The following GPC3 variants were observed in gnomAD, a reference collection of about 807,000 sequenced individuals.
GPC3 encodes glypican 3.
A neutral mutation model predicts 34.4 loss-of-function variants in GPC3; 3 were observed. The observed-to-expected ratio is 0.09, with a 90% CI of 0.04 to 0.23. The LOEUF is 0.23. Among genes scored for constraint, GPC3 ranks in the 10% least tolerant of loss-of-function variants. GPC3 has a pLI of 1.00. For missense variants in GPC3, 351 were observed against 445.6 expected, an observed-to-expected ratio of 0.79 and a Z score of 1.91; for synonymous variants, 177 against 174.0, an observed-to-expected ratio of 1.02 and a Z score of -0.13.
chrX:133,732,934 G>A lies in GPC3; in HGVS notation c.1032+20548C>T, dbSNP rs775574399. Among the ~76,000 whole-genome samples, 8 of 110,479 alleles carry A rather than the reference G, an allele frequency of 7.2e-5. No individual in the cohort carries two copies. The Middle Eastern group carries it at 0.014, about 190-fold the overall frequency. On this transcript the variant is annotated intron_variant, in intron 3 of 7. Coordinates refer to ENST00000370818, the MANE Select transcript of GPC3 (RefSeq NM_004484.4). ...CAGGCTGCAGTGCAGTGGCACAATC[G>A]GCTCACTGCAGCCTCGACCCCCCAG... is the stretch of plus-strand genomic sequence containing the variant.
At chrX:133,901,439 TTTTTA>T (rs993317055) in intron 2 of GPC3, among the ~76,000 whole-genome samples, 1 of 111,208 alleles carries the variant, frequency 9.0e-6, no homozygotes, top group African/African-American at 3.3e-5. Flanking sequence ...ATTATTTCAT[TTTTTA>T]TTTTATTTTA....
At chrX:133,631,667 T>G (rs991752582) in intron 6 of GPC3, among the ~76,000 whole-genome samples, 17 of 111,676 alleles carry the variant, frequency 1.5e-4, no homozygotes, top group African/African-American at 5.5e-4. Context: ...AATTCTATTT[T>G]TAATTTTTTG....
At chrX:133,586,502 C>A (rs1278716674) in intron 7 of GPC3, among the ~76,000 whole-genome samples, 1 of 111,861 alleles carries the variant, frequency 8.9e-6, no homozygotes, top group Non-Finnish European at 1.9e-5. Flanking sequence ...TTGCTTGTAG[C>A]TCAGAGCGAG....
At position 133,798,030 on chromosome X, in the gene GPC3, A is replaced by G. The variant is rs143623778; in HGVS notation, c.338-43854T>C. On this transcript the variant is annotated intron_variant, in intron 2 of 7. Transcript: ENST00000370818. ...TTTCTCAACAGTGCAAGTTTGTCAA[A>G]AACTTCAAGACATCGCTTCTTACAA... Among the ~76,000 whole-genome samples the G allele has an allele frequency of 1.8e-3, 201 of 111,911 alleles. 2 individuals are homozygous for G. In the South Asian group the frequency reaches 0.018, roughly 10 times the overall value.
At chrX:133,605,381 C>T (rs770901160) in intron 6 of GPC3, among the ~76,000 whole-genome samples, 1 of 111,686 alleles carries the variant, frequency 9.0e-6, no homozygotes, top group South Asian at 3.8e-4. Context: ...AATAAAATAG[C>T]ACCATTCACC....
intron 5 of GPC3, among the ~76,000 whole-genome samples, chrX:133,674,279 G>C (rs889011133): frequency 9.0e-6 from 1 of 111,237 alleles, no homozygotes; most frequent in Non-Finnish European, 1.9e-5. Flanking sequence ...ACCTTGCAAT[G>C]AATAGCCAAG....
intron 1 of GPC3, among the ~76,000 whole-genome samples, chrX:133,962,354 C>T (rs1355532353): frequency 8.9e-6 from 1 of 111,964 alleles, no homozygotes; most frequent in Non-Finnish European, 1.9e-5. Flanking sequence ...AGTGATTCAT[C>T]TTTGTGTCTC....
intron 2 of GPC3, among the ~76,000 whole-genome samples, chrX:133,757,167 T>C (rs1242207719): frequency 8.9e-6 from 1 of 112,150 alleles, no homozygotes. Flanking sequence ...ATAGAAAATA[T>C]TCTAATTTTT....
intron 7 of GPC3, among the ~76,000 whole-genome samples, chrX:133,548,975 A>G (rs1032109995): frequency 1.1e-4 from 12 of 111,585 alleles, no homozygotes; most frequent in Admixed American, 6.7e-4. Context: ...TAAATTGCCC[A>G]GGCTCAGGCA....
At chrX:133,857,246 A>C (rs2124564214) in intron 2 of GPC3, among the ~76,000 whole-genome samples, 1 of 111,745 alleles carries the variant, frequency 8.9e-6, no homozygotes, top group East Asian at 2.8e-4. Context: ...TCATACCACA[A>C]ATATTTTCAT....
At chrX:133,609,260 T>C (rs974878976) in intron 6 of GPC3, among the ~76,000 whole-genome samples, 1 of 112,501 alleles carries the variant, frequency 8.9e-6, no homozygotes, top group Non-Finnish European at 1.9e-5. Context: ...TTTTGTAACA[T>C]GTTGGTCACA....
chrX:133,651,071 AC>A lies in GPC3; in HGVS notation c.1413+10658del, dbSNP rs371852850. Among the ~76,000 whole-genome samples the A allele has an allele frequency of 1.9e-3, 218 of 112,199 alleles. 1 individual carries two copies. Among genetic ancestry groups the A allele is most frequent in the African/African-American group, 6.8e-3 (209 of 30,942 alleles). Reference sequence around the variant, plus strand: ...AGTCACATACCAGTGATGCTTTACAACTAAAACAGGTAGTATTGGTGTAACA... The same window carrying A: ...AGTCACATACCAGTGATGCTTTACAATAAAACAGGTAGTATTGGTGTAACA... On this transcript the variant is annotated intron_variant, in intron 6 of 7. Coordinates refer to ENST00000370818, the MANE Select transcript of GPC3 (RefSeq NM_004484.4).
chrX:133,878,166 G>A (rs781254137), intron 2 of GPC3, among the ~76,000 whole-genome samples: 138 of 111,886 alleles, frequency 1.2e-3, no homozygotes, highest in African/African-American at 4.3e-3. Context: ...GGTGGCTCAC[G>A]CCTGTAATCC....
intron 7 of GPC3, among the ~76,000 whole-genome samples, chrX:133,562,905 T>G (rs1055203314): frequency 2.7e-5 from 3 of 111,141 alleles, no homozygotes; most frequent in African/African-American, 9.8e-5. Flanking sequence ...TCTGAGCCTT[T>G]TGTTGCTAAT....
chrX:133,812,487 T>A (rs753057864), intron 2 of GPC3, among the ~76,000 whole-genome samples: 13 of 111,781 alleles, frequency 1.2e-4, no homozygotes, highest in Admixed American at 4.7e-4. Context: ...TGAGGAGGAA[T>A]AAGGAGACCT....
intron 2 of GPC3, among the ~76,000 whole-genome samples, chrX:133,903,414 C>T (rs1359386394): frequency 9.1e-6 from 1 of 110,084 alleles, no homozygotes; most frequent in Non-Finnish European, 1.9e-5. Context: ...GGTGAGACCC[C>T]GTCTCTACTA....
intron 2 of GPC3, among the ~76,000 whole-genome samples, chrX:133,928,723 T>G (rs1358969748): frequency 3.6e-5 from 4 of 112,271 alleles, no homozygotes; most frequent in Non-Finnish European, 7.5e-5. Flanking sequence ...GTTGGCTATT[T>G]TTATGTCATC....
intron 2 of GPC3, among the ~76,000 whole-genome samples, chrX:133,850,225 C>G (rs1362038338): frequency 1.3e-5 from 1 of 77,876 alleles, no homozygotes; most frequent in Non-Finnish European, 2.2e-5. Context: ...GTAAATAAAG[C>G]TAGCTGAGCT....
chrX:133,538,796 G>A (rs2069317382), intron 7 of GPC3, among the ~76,000 whole-genome samples: 1 of 102,358 alleles, frequency 9.8e-6, no homozygotes, highest in Admixed American at 1.1e-4. Flanking sequence ...GGCCTCCCAA[G>A]TAGCTGGGGC....
Sources: gnomAD v4.1 joint callset for allele counts (sites outside exome capture counted in the v4.1 genomes callset) on GRCh38, gnomAD v4.1.1 for gene constraint, MANE v1.5 for transcripts, NCBI Gene and HGNC (gene_info 2026-07-23, HGNC 2026-07-21) for gene names.